The following FER variants were observed in gnomAD, a reference collection of about 807,000 sequenced individuals.
The protein encoded by FER is FER tyrosine kinase, also known as tyrosine-protein kinase Fer.
FER carries 63 observed loss-of-function variants against 111.0 expected under a neutral mutation model. The ratio of observed to expected loss-of-function variants is 0.57; its 90% CI spans 0.46 to 0.70. The LOEUF (loss-of-function observed/expected upper bound fraction) is 0.70. Ranked by LOEUF, FER falls within the 30% of genes least tolerant of loss-of-function variation. The pLI is 0.00. For synonymous variants in FER, 327 were observed against 313.9 expected (o/e 1.04, Z -0.44); for missense variants, 914 against 954.0 (o/e 0.96, Z 0.55).
At chr5:108,891,293 CT>C (rs1190771457) in intron 9 of FER, 2 of 151,782 alleles carry the variant, frequency 1.3e-5, no homozygotes, top group East Asian at 3.9e-4. Flanking sequence ...TTTATATATT[CT>C]AGTTCTTTAT....
At chr5:109,046,750 C>T (rs1299190897) in intron 15 of FER, among the ~76,000 whole-genome samples, 2 of 151,952 alleles carry the variant, frequency 1.3e-5, no homozygotes, top group African/African-American at 4.8e-5. Flanking sequence ...AGTATAACAA[C>T]TATTTATATA....
intron 17 of FER, among the ~76,000 whole-genome samples, chr5:109,153,816 A>G (rs1307121374): frequency 1.3e-5 from 2 of 151,846 alleles, no homozygotes; most frequent in Non-Finnish European, 3.0e-5. Context: ...GTATTTAACC[A>G]TTAGCAGTAT....
At chr5:108,908,967 G>A (rs1310678037) in intron 10 of FER, among the ~76,000 whole-genome samples, 1 of 152,062 alleles carries the variant, frequency 6.6e-6, no homozygotes, top group Non-Finnish European at 1.5e-5. Flanking sequence ...GGAGGCAGAG[G>A]TTGCAGTGAG....
chr5:108,857,426 T>A lies in FER; in HGVS notation c.482-10341T>A, dbSNP rs550856150. Among the ~76,000 whole-genome samples, 8 of 152,286 alleles carry A rather than the reference T, an allele frequency of 5.3e-5. No homozygotes were observed. The South Asian group carries it at 1.5e-3, about 28-fold the overall frequency. ...AGGTCCATGATGTCAGTTCATCCCA[T>A]TATTGGATATTAATTTGATCATTGG... On this transcript the variant is annotated intron_variant, in intron 5 of 19. Transcript: ENST00000281092.
chr5:108,973,221 C>G (rs929264641), intron 13 of FER, among the ~76,000 whole-genome samples: 2 of 152,020 alleles, frequency 1.3e-5, no homozygotes, highest in African/African-American at 4.8e-5. Context: ...TAAAAAACAC[C>G]ATTTATCTTT....
chr5:108,945,863 A>C (rs145156139), intron 10 of FER, among the ~76,000 whole-genome samples: 2 of 151,964 alleles, frequency 1.3e-5, no homozygotes, highest in Admixed American at 6.6e-5. Flanking sequence ...TTTCATCTGT[A>C]TGAATTCTAT....
intron 13 of FER, among the ~76,000 whole-genome samples, chr5:109,006,141 T>G (rs1051395607): frequency 1.3e-5 from 2 of 152,216 alleles, no homozygotes; most frequent in African/African-American, 2.4e-5. Context: ...AAATGATGAC[T>G]TTGAATCTTG....
chr5:108,910,905 GT>G (rs1751457997), intron 10 of FER, among the ~76,000 whole-genome samples: 1 of 151,950 alleles, frequency 6.6e-6, no homozygotes, highest in East Asian at 1.9e-4. Context: ...GGATATTTAG[GT>G]TGATTCCATG....
intron 12 of FER, 28 bp from the exon 13 acceptor site, chr5:108,959,197 T>C: frequency 1.3e-6 from 2 of 1,593,522 alleles, no homozygotes. Flanking sequence ...GTCTTCACAT[T>C]TATTCTACCT....
At chr5:108,885,916 ACAT>A (rs1392674734) in intron 9 of FER, among the ~76,000 whole-genome samples, 1 of 151,960 alleles carries the variant, frequency 6.6e-6, no homozygotes, top group Non-Finnish European at 1.5e-5. Context: ...GTAAAATAAA[ACAT>A]CACCCATTGC....
chr5:108,954,501 T>G (rs1271952730), intron 11 of FER, among the ~76,000 whole-genome samples: 1 of 152,114 alleles, frequency 6.6e-6, no homozygotes, highest in Non-Finnish European at 1.5e-5. Flanking sequence ...ATGCTAATAT[T>G]GTGTCTACCT....
intron 17 of FER, among the ~76,000 whole-genome samples, chr5:109,176,751 A>G (rs188315052): frequency 5.9e-5 from 9 of 152,216 alleles, no homozygotes; most frequent in Non-Finnish European, 1.2e-4. Flanking sequence ...TACGATTATT[A>G]TATGTCAACT....
chr5:108,751,686 CT>C (rs1195743826), intron 1 of FER, among the ~76,000 whole-genome samples: 1 of 152,056 alleles, frequency 6.6e-6, no homozygotes, highest in Non-Finnish European at 1.5e-5. Context: ...CAAAGGTGAA[CT>C]TTTTTTAGTA....
intron 17 of FER, among the ~76,000 whole-genome samples, chr5:109,103,337 T>G (rs1430266007): frequency 1.3e-5 from 2 of 152,166 alleles, no homozygotes; most frequent in African/African-American, 4.8e-5. Flanking sequence ...TCCAATTGTC[T>G]CTTCCCAAAA....
At chr5:109,118,119 C>G (rs1750492348) in intron 17 of FER, among the ~76,000 whole-genome samples, 1 of 152,060 alleles carries the variant, frequency 6.6e-6, no homozygotes, top group East Asian at 1.9e-4. Context: ...AGTTTTTGCC[C>G]ATTCAGTATG....
chr5:109,181,945 C>G (rs1443034879), intron 18 of FER, among the ~76,000 whole-genome samples: 1 of 152,132 alleles, frequency 6.6e-6, no homozygotes, highest in East Asian at 1.9e-4. Flanking sequence ...ACCAATCTGC[C>G]TTTTATTTCT....
chr5:109,117,652 C>T (rs1582105262), intron 17 of FER, among the ~76,000 whole-genome samples: 1 of 151,726 alleles, frequency 6.6e-6, no homozygotes. Flanking sequence ...ATGGAATGTT[C>T]TTCCATTTGT....
In FER at chr5:109,168,738, GTCTTAGT is replaced by G. The variant is rs879265086; in HGVS notation, c.2049-12003_2049-11997del. Among the ~76,000 whole-genome samples the G allele has an allele frequency of 1.6e-4, 24 of 152,274 alleles. 1 individual carries two copies. In the Middle Eastern group the frequency reaches 0.02, roughly 129 times the overall value. The stretch of plus-strand genomic sequence containing the variant: ...GTTTCACAGAATTTTAAAATCCTAT[GTCTTAGT>G]TCTTACATAAGTAATTCACATTGAA... On this transcript the variant is annotated intron_variant, in intron 17 of 19. Transcript: ENST00000281092.
At chr5:108,788,433 T>A (rs1047777876) in intron 2 of FER, among the ~76,000 whole-genome samples, 3 of 151,988 alleles carry the variant, frequency 2.0e-5, no homozygotes, top group Admixed American at 2.0e-4. Context: ...GTGGATGGAA[T>A]GAGTTCAGCG....
Sources: allele counts gnomAD v4.1 joint callset (sites outside exome capture counted in the v4.1 genomes callset), GRCh38; gene constraint gnomAD v4.1.1; transcripts MANE v1.5; gene names NCBI Gene and HGNC (gene_info 2026-07-23, HGNC 2026-07-21).